Variants in PRKAR1A observed in about 807,000 individuals in gnomAD.
The protein encoded by PRKAR1A is protein kinase cAMP-dependent type I regulatory subunit alpha.
In PRKAR1A, 3 loss-of-function variants were observed where a neutral mutation model predicts 52.0. That is an observed-to-expected ratio of 0.06 (90% CI 0.03 to 0.15). PRKAR1A has a LOEUF of 0.15. Among genes scored for constraint, PRKAR1A ranks in the 10% least tolerant of loss-of-function variants. PRKAR1A has a pLI of 1.00. For synonymous variants in PRKAR1A, 188 were observed against 168.4 expected (o/e 1.12, Z -0.90); for missense variants, 240 against 477.4 (o/e 0.50, Z 4.63).
intron 11 of PRKAR1A, among the ~76,000 whole-genome samples, chr17:68,545,086 G>A (rs1332933039): frequency 1.5e-4 from 23 of 152,070 alleles, no homozygotes; most frequent in Admixed American, 7.9e-4. Flanking sequence ...GAAAAAAATG[G>A]TGTTCGCCTT....
chr17:68,495,961 T>TGTCTCCTCTCCTCTCCC, the PRKAR1A span, among the ~76,000 whole-genome samples: 1 of 80,412 alleles, frequency 1.2e-5, no homozygotes, highest in Middle Eastern at 5.3e-3. Flanking sequence ...TTTCCTCTCC[T>TGTCTCCTCTCCTCTCCC]CTCTCCTCTC....
the PRKAR1A span, among the ~76,000 whole-genome samples, chr17:68,503,845 T>C: frequency 6.6e-6 from 1 of 152,140 alleles, no homozygotes; most frequent in Non-Finnish European, 1.5e-5. Flanking sequence ...TGAGGTATCA[T>C]AGCACCCCAG....
At chr17:68,485,885 C>T in the PRKAR1A span, among the ~76,000 whole-genome samples, 264 of 152,196 alleles carry the variant, frequency 1.7e-3, no homozygotes, top group Non-Finnish European at 3.1e-3. Flanking sequence ...ATTACAGATG[C>T]GTGCCACCAT....
chr17:68,470,527 C>G, the PRKAR1A span, among the ~76,000 whole-genome samples: 1 of 152,222 alleles, frequency 6.6e-6, no homozygotes, highest in African/African-American at 2.4e-5. Flanking sequence ...ACTACATTAT[C>G]TTTAAACACT....
At chr17:68,442,829 C>G in the PRKAR1A span, among the ~76,000 whole-genome samples, 5 of 152,166 alleles carry the variant, frequency 3.3e-5, no homozygotes, top group Admixed American at 6.5e-5. Context: ...TGTCTCAGAC[C>G]ACCTCAGACA....
chr17:68,528,889 A>G lies in PRKAR1A; in HGVS notation c.789A>G (p.Glu263=). 1 of 1,614,004 alleles carries G rather than the reference A, an allele frequency of 6.2e-7. No homozygotes were observed. The highest frequency in any genetic ancestry group is 8.5e-7 in the Non-Finnish European group (1 of 1,179,868). The change falls in exon 9 of 11, where the codon GAA becomes GAG. Residue 263 remains glutamate (E), a synonymous_variant. Transcript: ENST00000589228. The part of the protein sequence containing the change: ...VSILESLDKW[E]RLTVADALEP... ...TTTCAGAGTCTCTGGACAAGTGGGA[A>G]CGTCTTACGGTAGCTGATGCATTGG...
Position 68,522,734 on chromosome 17 carries a change from G to A in PRKAR1A, c.178-22G>A, listed in dbSNP as rs575896692. On this transcript the variant is annotated intron_variant, in intron 2 of 10. Transcript: ENST00000589228. ...TTTACATGCCGAAGGATCTCATTTT[G>A]CAAACTCGTAATTTCTTTCAGGAGG... 5 of 1,613,706 alleles carry A rather than the reference G, an allele frequency of 3.1e-6. No homozygotes were observed. In the South Asian group the frequency reaches 5.5e-5, roughly 18 times the overall value.
chr17:68,474,952 T>TA, the PRKAR1A span, among the ~76,000 whole-genome samples: 1 of 152,172 alleles, frequency 6.6e-6, no homozygotes. Flanking sequence ...TAAGTAAATT[T>TA]TAAAAAAAAT....
the PRKAR1A span, among the ~76,000 whole-genome samples, chr17:68,476,359 T>C: frequency 6.6e-6 from 1 of 152,236 alleles, no homozygotes; most frequent in African/African-American, 2.4e-5. Context: ...TAGCCTGTCA[T>C]GTTGCAGGAA....
rs2085976701 is a variant in PRKAR1A at position 68,531,570 on chromosome 17, T to G, written c.*1121T>G. ...TTACTTTGGTTTAGTCTTTTTTTCC[T>G]TCCTTTTTATTCAGCTAGAATTTCT... On this transcript the variant is annotated 3_prime_UTR_variant, in exon 11 of 11. Coordinates refer to ENST00000589228, the MANE Select transcript of PRKAR1A (RefSeq NM_002734.5). 1 of 1,066,224 alleles carries G rather than the reference T, an allele frequency of 9.4e-7. No homozygotes were observed. Among genetic ancestry groups the G allele is most frequent in the African/African-American group, 1.6e-5 (1 of 61,110 alleles). The allele number at this position is 1,066,224 out of a possible 1,614,324, so 66.0% of individuals were successfully genotyped here.
the PRKAR1A span, chr17:68,420,233 C>T: frequency 6.2e-7 from 1 of 1,614,134 alleles, no homozygotes. Context: ...TGAGCTGCAG[C>T]ATAAGTTTCC....
the PRKAR1A span, among the ~76,000 whole-genome samples, chr17:68,433,125 C>T: frequency 6.6e-6 from 1 of 152,232 alleles, no homozygotes; most frequent in Admixed American, 6.5e-5. Context: ...GTGCCAGGCA[C>T]GATGCTGAAC....
At chr17:68,549,042 T>G (rs2086710460) in intron 11 of PRKAR1A, among the ~76,000 whole-genome samples, 2 of 152,164 alleles carry the variant, frequency 1.3e-5, no homozygotes, top group Non-Finnish European at 2.9e-5. Context: ...TGCCTGTATT[T>G]GTTTTAACTG....
intron 11 of PRKAR1A, among the ~76,000 whole-genome samples, chr17:68,546,573 A>G (rs1477378380): frequency 1.7e-4 from 26 of 151,814 alleles, no homozygotes; most frequent in African/African-American, 4.4e-4. Context: ...GCTCGCGCCT[A>G]TAATCCCAGC....
the PRKAR1A span, among the ~76,000 whole-genome samples, chr17:68,417,733 ATTTTTTTTTTTTTTT>A: frequency 0.027 from 1,637 of 60,950 alleles, 59 homozygotes; most frequent in African/African-American, 0.097. Context: ...GAGTTGCTGA[ATTTTTTTTTTTTTTT>A]TTTTTTTTTT....
chr17:68,433,317 T>G, the PRKAR1A span: 3 of 721,158 alleles, frequency 4.2e-6, no homozygotes, highest in Non-Finnish European at 6.7e-6. Flanking sequence ...CCTCCAAAGT[T>G]TTGCTAACAC....
the PRKAR1A span, among the ~76,000 whole-genome samples, chr17:68,506,035 A>C: frequency 6.6e-6 from 1 of 152,252 alleles, no homozygotes; most frequent in Non-Finnish European, 1.5e-5. Context: ...TTCAGTGTTC[A>C]TAAATTTTTA....
chr17:68,546,539 T>G (rs1342041312), intron 11 of PRKAR1A, among the ~76,000 whole-genome samples: 1 of 152,024 alleles, frequency 6.6e-6, no homozygotes, highest in Non-Finnish European at 1.5e-5. Flanking sequence ...TTTCTTAAAT[T>G]GTAAGACTTG....
At chr17:68,507,040 C>A (rs1054202132), upstream of PRKAR1A, among the ~76,000 whole-genome samples, 1 of 152,106 alleles carries the variant, frequency 6.6e-6, no homozygotes, top group Non-Finnish European at 1.5e-5. Context: ...CAAAGGGAAC[C>A]ATGACCAGCC....
Sources: gnomAD v4.1 joint callset for allele counts (sites outside exome capture counted in the v4.1 genomes callset) on GRCh38, gnomAD v4.1.1 for gene constraint, MANE v1.5 for transcripts, NCBI Gene and HGNC (gene_info 2026-07-23, HGNC 2026-07-21) for gene names.